The following PBRM1 variants were observed in gnomAD, a reference collection of about 807,000 sequenced individuals.
PBRM1 encodes the protein polybromo 1.
In PBRM1, 27 loss-of-function variants were observed where a neutral mutation model predicts 194.5. The observed-to-expected ratio is 0.14, with a 90% confidence interval of 0.10 to 0.19. The LOEUF (loss-of-function observed/expected upper bound fraction) is 0.19. Among genes scored for constraint, PBRM1 ranks in the 10% least tolerant of loss-of-function variants. The pLI is 1.00. For missense variants in PBRM1, 1,466 were observed against 2,077.2 expected (o/e 0.71, Z 5.72); for synonymous variants, 655 against 693.2 (o/e 0.94, Z 0.87).
intron 22 of PBRM1, among the ~76,000 whole-genome samples, chr3:52,575,508 C>CTTTTTTTT (rs1177139118): frequency 1.1e-5 from 1 of 87,134 alleles, no homozygotes; most frequent in Non-Finnish European, 2.2e-5. Context: ...AATCAATTGT[C>CTTTTTTTT]TTTTTTTTTT....
Position 52,645,655 on chromosome 3 carries a change from T to C in PBRM1, c.814-866A>G, listed in dbSNP as rs191182500. Among the ~76,000 whole-genome samples, 11 of 152,302 alleles carry C rather than the reference T, an allele frequency of 7.2e-5. No homozygotes were observed. In the East Asian group the frequency reaches 2.1e-3, roughly 29 times the overall value. ...AATAAGGTTACTTGAACATAAGCAC[T>C]GTGATACCACAGCAGTCGAGCTGAT... On this transcript the variant is annotated intron_variant, in intron 7 of 29. Transcript: ENST00000296302.
At chr3:52,680,400 G>C (rs138705786), upstream of PBRM1, among the ~76,000 whole-genome samples, 487 of 152,272 alleles carry the variant, frequency 3.2e-3, no homozygotes, top group African/African-American at 0.011. Context: ...CTAGACAGAG[G>C]TACAAACTAT....
rs777911283 is a variant in PBRM1, at chr3:52,660,588, T to C, written c.528+1545A>G. On this transcript the variant is annotated intron_variant, in intron 4 of 29. Coordinates refer to ENST00000296302, the Ensembl canonical transcript of PBRM1. ...AGTACAGTGGCATGATCTCAGCTCA[T>C]TGCAACCTCTGCCTCCCGGGTTCAA... 5.3e-5 allele frequency among the ~76,000 whole-genome samples: 8 copies of C among 152,104 alleles called. No homozygotes were observed. In the East Asian group the frequency reaches 7.7e-4, roughly 15 times the overall value.
intron 22 of PBRM1, among the ~76,000 whole-genome samples, chr3:52,569,892 TTTC>T (rs369154961): frequency 1.5e-4 from 23 of 152,364 alleles, no homozygotes; most frequent in African/African-American, 5.5e-4. Flanking sequence ...TAGACTTCTG[TTTC>T]TTCTAACTCC....
At chr3:52,657,801 A>C (rs1302100831) in intron 5 of PBRM1, among the ~76,000 whole-genome samples, 2 of 119,614 alleles carry the variant, frequency 1.7e-5, no homozygotes, top group Admixed American at 1.8e-4. Flanking sequence ...TTTTTTTTAA[A>C]TTTGAGACGG....
At chr3:52,636,756 C>CAAAAA (rs2095831175) in intron 10 of PBRM1, among the ~76,000 whole-genome samples, 1 of 25,624 alleles carries the variant, frequency 3.9e-5, no homozygotes, top group Non-Finnish European at 6.4e-5. Context: ...AACTCTGTCT[C>CAAAAA]CAAAAAAAAA....
Position 52,553,477 on chromosome 3 carries a change from T to C in PBRM1, c.4609+1247A>G, listed in dbSNP as rs539769689. ...CTAGGAGGGTAGGCTAGGCTGTTCT[T>C]TAATGTCAGGCTTTTTTTTTTTTTT... On this transcript the variant is annotated intron_variant, in intron 27 of 29. Transcript: ENST00000296302. 4.6e-5 allele frequency among the ~76,000 whole-genome samples: 7 copies of C among 151,802 alleles called. No individual in the cohort carries two copies. In the South Asian group the frequency reaches 1.5e-3, roughly 32 times the overall value.
At position 52,576,711 on chromosome 3, in the gene PBRM1, AAT is replaced by A; in HGVS notation, c.3534-15_3534-14del. ...TACTTTTTCAATTCTTGGGGAGGAA[AAT>A]ATATAAATTACATTAAAATAGTTTC... On this transcript the variant is annotated splice_polypyrimidine_tract_variant and intron_variant, in intron 21 of 29. Coordinates refer to ENST00000296302, the Ensembl canonical transcript of PBRM1. 2 of 1,574,526 alleles carry A rather than the reference AAT, an allele frequency of 1.3e-6. No individual in the cohort carries two copies. Among genetic ancestry groups the A allele is most frequent in the Non-Finnish European group, 1.7e-6 (2 of 1,159,338 alleles).
At chr3:52,634,703 T>G in exon 11 of PBRM1, 1 of 1,613,712 alleles carries the variant, frequency 6.2e-7, no homozygotes, top group Non-Finnish European at 8.5e-7. Context: ...TTAGCTGCCC[T>G]TGGTTATTCC....
intron 5 of PBRM1, among the ~76,000 whole-genome samples, chr3:52,657,000 C>G (rs2096619670): frequency 6.6e-6 from 1 of 152,162 alleles, no homozygotes; most frequent in African/African-American, 2.4e-5. Flanking sequence ...CTGATTCAGG[C>G]TACAATATAG....
chr3:52,597,456 T>C (rs2093657902), intron 17 of PBRM1, among the ~76,000 whole-genome samples: 1 of 152,224 alleles, frequency 6.6e-6, no homozygotes, highest in Non-Finnish European at 1.5e-5. Flanking sequence ...TATCTAGCAA[T>C]TGATTAATCA....
intron 16 of PBRM1, among the ~76,000 whole-genome samples, chr3:52,608,851 T>TA (rs942565120): frequency 3.6e-3 from 522 of 143,740 alleles, no homozygotes; most frequent in South Asian, 6.4e-3. Context: ...AACCTGAGAT[T>TA]AAAAAAAAAA....
intron 22 of PBRM1, among the ~76,000 whole-genome samples, chr3:52,574,490 A>G (rs113780880): frequency 3.3e-5 from 5 of 152,356 alleles, no homozygotes; most frequent in African/African-American, 1.2e-4. Flanking sequence ...AAAGGGTATC[A>G]GTCAGGACCA....
Position 52,623,747 on chromosome 3 carries a change from A to G in PBRM1, c.1541+3526T>C, listed in dbSNP as rs566935872. Among the ~76,000 whole-genome samples the G allele has an allele frequency of 2.6e-5, 4 of 152,338 alleles. No homozygotes were observed. In the South Asian group the frequency reaches 8.3e-4, roughly 32 times the overall value. The stretch of plus-strand genomic sequence containing the variant: ...TAACTTGTTTTTCAGATAAAGTTGA[A>G]ATGAGGCTTAGATTACAGAGCTAAT... On this transcript the variant is annotated intron_variant, in intron 13 of 29. Coordinates refer to ENST00000296302, the Ensembl canonical transcript of PBRM1.
At chr3:52,646,567 G>C (rs1051228143) in intron 7 of PBRM1, among the ~76,000 whole-genome samples, 2 of 152,188 alleles carry the variant, frequency 1.3e-5, no homozygotes, top group Non-Finnish European at 2.9e-5. Context: ...GAGTGGAATA[G>C]AACCAAGAAT....
chr3:52,575,248 AAAC>A (rs1322518964), intron 22 of PBRM1, among the ~76,000 whole-genome samples: 1 of 151,394 alleles, frequency 6.6e-6, no homozygotes, highest in Non-Finnish European at 1.5e-5. Flanking sequence ...ACAAACAAAC[AAAC>A]GTTTAGAAGA....
intron 11 of PBRM1, among the ~76,000 whole-genome samples, chr3:52,631,694 A>G (rs570926641): frequency 6.6e-6 from 1 of 152,248 alleles, no homozygotes; most frequent in East Asian, 1.9e-4. Flanking sequence ...TCGCCTGGCC[A>G]ACTTTTGATA....
At chr3:52,612,632 G>A (rs1209211795) in intron 15 of PBRM1, among the ~76,000 whole-genome samples, 2 of 151,940 alleles carry the variant, frequency 1.3e-5, no homozygotes, top group Admixed American at 6.6e-5. Context: ...TGCTGGGTGC[G>A]GTGGCTCATG....
intron 6 of PBRM1, among the ~76,000 whole-genome samples, chr3:52,649,718 G>A (rs1459608881): frequency 6.6e-6 from 1 of 152,196 alleles, no homozygotes; most frequent in Non-Finnish European, 1.5e-5. Context: ...TTAAGTCTCT[G>A]AGCACGGGAC....
Sources: gnomAD v4.1 joint callset for allele counts (sites outside exome capture counted in the v4.1 genomes callset) on GRCh38, gnomAD v4.1.1 for gene constraint, MANE v1.5 for transcripts, NCBI Gene and HGNC (gene_info 2026-07-23, HGNC 2026-07-21) for gene names.